STX1B: variants seen among roughly 807,000 people sequenced by gnomAD.
The protein encoded by STX1B is syntaxin 1B.
In STX1B, 7 loss-of-function variants were observed where a neutral mutation model predicts 39.4. The ratio of observed to expected loss-of-function variants is 0.18; its 90% confidence interval spans 0.10 to 0.33. The LOEUF is 0.33. Ranked by LOEUF, STX1B falls within the 10% of genes least tolerant of loss-of-function variation. STX1B has a pLI of 1.00. For synonymous variants in STX1B, 136 were observed against 144.1 expected (o/e 0.94, Z 0.40); for missense variants, 198 against 383.2 (o/e 0.52, Z 4.04).
rs776604327 is a variant in STX1B at position 31,001,158 on chromosome 16, C to G, written c.141G>C (p.Ser47=). 1 of 1,614,030 alleles carries G rather than the reference C, an allele frequency of 6.2e-7. No homozygotes were observed. Among genetic ancestry groups the G allele is most frequent in the Non-Finnish European group, 8.5e-7 (1 of 1,180,028 alleles). Residue 47 remains serine (S), a synonymous_variant, in exon 3 of 10, where the codon TCG becomes TCC. Transcript: ENST00000215095. This position sits in a 1 kb window ranked among gnomAD's most constrained non-coding sequence, Gnocchi z 5.5. ...GTTTTTTCACCTGCTCCACATCCTCCGACAGTTTCTCAATGCAGCCCCGGA... is the reference window on the plus strand; with the variant it reads ...GTTTTTTCACCTGCTCCACATCCTCGGACAGTTTCTCAATGCAGCCCCGGA... ...EEIRGCIEKL[S]EDVEQVKKQH...
At position 31,001,324 on chromosome 16, in the gene STX1B, G is replaced by T; in HGVS notation, c.106-131C>A. 1 of 943,828 alleles carries T rather than the reference G, an allele frequency of 1.1e-6. No individual in the cohort carries two copies. The highest frequency in any genetic ancestry group is 1.6e-6 in the Non-Finnish European group (1 of 609,500). 58.5% of individuals were successfully genotyped at this position (943,828 alleles called of 1,614,324 possible). A position where few individuals can be genotyped will look rare whatever the true frequency, so the allele number is the denominator to read the frequency against. On this transcript the variant is annotated intron_variant, in intron 2 of 9. Transcript: ENST00000215095. The surrounding 1 kb of genome is among the most constrained non-coding windows in gnomAD (Gnocchi z 5.5). ...ATAAAAGGCCAGGGAGGGTGCAGGA[G>T]CAGGGAAGTGGGGGACAGGGAAAAG...
chr16:31,001,672 T>C lies in STX1B; in HGVS notation c.31-69A>G. 1 of 1,209,708 alleles carries C rather than the reference T, an allele frequency of 8.3e-7. No homozygotes were observed. The highest frequency in any genetic ancestry group is 1.2e-6 in the Non-Finnish European group (1 of 834,548). 74.9% of individuals were successfully genotyped at this position (1,209,708 alleles called of 1,614,324 possible). A position where few individuals can be genotyped will look rare whatever the true frequency, so the allele number is the denominator to read the frequency against. ...GTCCCCAAGGCTGGCTCTCCAGCTC[T>C]CCCACCCTCTCCCTGCTATGCACAC... On this transcript the variant is annotated intron_variant, in intron 1 of 9. Transcript: ENST00000215095. This position sits in a 1 kb window ranked among gnomAD's most constrained non-coding sequence, Gnocchi z 5.5.
At chr16:30,996,112 T>C (rs1313587016) in intron 7 of STX1B, 1 of 151,506 alleles carries the variant, frequency 6.6e-6, no homozygotes, top group Non-Finnish European at 1.5e-5. Flanking sequence ...GAGGCGGAGG[T>C]TGCAGTGAGC....
Position 31,009,946 on chromosome 16 carries a change from C to T in STX1B, c.30+421G>A, listed in dbSNP as rs891952929. Among the ~76,000 whole-genome samples, 10 of 152,206 alleles carry T rather than the reference C, an allele frequency of 6.6e-5. No individual in the cohort carries two copies. The East Asian group carries it at 7.7e-4, about 12-fold the overall frequency. On this transcript the variant is annotated intron_variant, in intron 1 of 9. Transcript: ENST00000215095. The stretch of plus-strand genomic sequence containing the variant: ...CTCAGTCCCAACCTGTGTCCTTCCC[C>T]GTAGCATCCCCTGAATCTGGGTCCT...
At chr16:31,003,033 G>T (rs1422478090) in intron 1 of STX1B, among the ~76,000 whole-genome samples, 1 of 152,284 alleles carries the variant, frequency 6.6e-6, no homozygotes, top group South Asian at 2.1e-4. Flanking sequence ...GACAGGGCCA[G>T]ATGGGACCTA....
At position 30,992,618 on chromosome 16, in the gene STX1B, C is replaced by G; in HGVS notation, c.*203G>C. The G allele has an allele frequency of 1.9e-6, 1 of 531,088 alleles. No individual in the cohort carries two copies. The highest frequency in any genetic ancestry group is 3.3e-6 in the Non-Finnish European group (1 of 304,366). The allele number at this position is 531,088 out of a possible 1,614,324, so 32.9% of individuals were successfully genotyped here. On this transcript the variant is annotated 3_prime_UTR_variant, in exon 10 of 10. Transcript: ENST00000215095. The stretch of plus-strand genomic sequence containing the variant: ...TGTTGGTGTGCATGTGTAATCACGC[C>G]TGCTGCGATCTACGTGCGGGGACGG...
intron 7 of STX1B, among the ~76,000 whole-genome samples, chr16:30,994,892 C>CTTTTTTTTTTTTTTTTTTTTTTTT (rs10524041): frequency 1.0e-3 from 104 of 99,800 alleles, no homozygotes; most frequent in Middle Eastern, 8.8e-3. Flanking sequence ...GTCTCCCCGT[C>CTTTTTTTTTTTTTTTTTTTTTTTT]TTTTTTTTTT....
At chr16:30,993,000 G>A in intron 9 of STX1B, 99 bp from the exon 10 acceptor site, 2 of 1,329,504 alleles carry the variant, frequency 1.5e-6, no homozygotes, top group Non-Finnish European at 2.2e-6. Context: ...GGGAGAAGAG[G>A]GGAGAGAAAA....
At chr16:30,992,982 G>A in intron 9 of STX1B, 81 bp from the exon 10 acceptor site, 1 of 1,376,556 alleles carries the variant, frequency 7.3e-7, no homozygotes, top group Non-Finnish European at 1.0e-6. Flanking sequence ...ACAGGGCAGA[G>A]GGTGGCAGGG....
intron 1 of STX1B, 30 bp downstream of exon 1, chr16:31,010,336 GC>G (rs750960972): frequency 4.8e-5 from 15 of 314,494 alleles, no homozygotes; most frequent in Admixed American, 2.3e-4. Flanking sequence ...TTGGGGTCCC[GC>G]CCCCCCATTC....
Position 30,992,859 on chromosome 16 carries a change from C to A in STX1B, c.829G>T (p.Val277Phe). ...IIICCVVLGV[V>F]LASSIGGTLG... ...GTCCCCCCAATGGATGACGCCAAGA[C>A]CACCCCCAGCACCACACAGCAAATG... is the stretch of plus-strand genomic sequence containing the variant. The change falls in exon 10 of 10, where the codon GTC (valine) becomes TTC (phenylalanine). Residue 277 changes from valine to phenylalanine, a missense_variant. Val to Phe is a conservative substitution (Grantham distance 50). Transcript: ENST00000215095. 6.2e-7 allele frequency: 1 copy of A among 1,613,924 alleles called. No homozygotes were observed. The highest frequency in any genetic ancestry group is 8.5e-7 in the Non-Finnish European group (1 of 1,179,962).
Position 30,993,123 on chromosome 16 carries a change from C to G in STX1B, c.786+7G>C. 1.2e-6 allele frequency: 2 copies of G among 1,613,828 alleles called. No individual in the cohort carries two copies. The highest frequency in any genetic ancestry group is 1.1e-5 in the South Asian group (1 of 91,068). ...CCGCCTACCCCCAGGCCGCCTGCCC[C>G]GCTCACCCTCCGGGCCTTGCTCTGA... On this transcript the variant is annotated splice_region_variant and intron_variant, in intron 9 of 9. Coordinates refer to ENST00000215095, the MANE Select transcript of STX1B (RefSeq NM_052874.5).
At chr16:31,002,784 C>G (rs1456538300) in intron 1 of STX1B, among the ~76,000 whole-genome samples, 1 of 152,190 alleles carries the variant, frequency 6.6e-6, no homozygotes, top group South Asian at 2.1e-4. Flanking sequence ...ATTCTGATTT[C>G]CAAAAAGAAC....
chr16:30,999,952 A>G (rs2056615611), intron 4 of STX1B, among the ~76,000 whole-genome samples: 1 of 151,860 alleles, frequency 6.6e-6, no homozygotes, highest in Non-Finnish European at 1.5e-5. Context: ...GGAACTTTGT[A>G]GAAATTCCTT....
intron 6 of STX1B, 82 bp downstream of exon 6, chr16:30,996,869 C>A (rs2056595338): frequency 6.4e-7 from 1 of 1,567,124 alleles, no homozygotes. Flanking sequence ...AAGCCAGGGG[C>A]CCCCTCCAGA....
chr16:30,996,735 T>C lies in STX1B; in HGVS notation c.485A>G (p.Glu162Gly). ...GCTCTCCAGCATGTCTTCCAGTTCT[T>C]CGTTGGTGGTGGTCCTTCCAGCTGC... Reference protein sequence around the residue: ...LEITGRTTTNEELEDMLESGK... With the variant: ...LEITGRTTTNGELEDMLESGK... Residue 162 changes from glutamate (E) to glycine (G), a missense_variant, in exon 7 of 10, where the codon GAA (glutamate) becomes GGA (glycine). Physicochemically the swap from Glu to Gly is moderately conservative, Grantham distance 98. Transcript: ENST00000215095. 1.2e-6 allele frequency: 2 copies of C among 1,614,112 alleles called. No homozygotes were observed. The highest frequency in any genetic ancestry group is 4.5e-5 in the East Asian group (2 of 44,894).
Position 30,989,326 on chromosome 16 carries a change from C to T in STX1B, c.*3495G>A, listed in dbSNP as rs1304668386. 6.6e-6 allele frequency: 1 copy of T among 152,200 alleles called. No homozygotes were observed. Among genetic ancestry groups the T allele is most frequent in the Non-Finnish European group, 1.5e-5 (1 of 68,078 alleles). 9.4% of individuals were successfully genotyped at this position (152,200 alleles called of 1,614,324 possible). On this transcript the variant is annotated 3_prime_UTR_variant, in exon 10 of 10. Transcript: ENST00000215095. ...ACCTGGCCCAGGGTGGGGTGGGGGG[C>T]TCTGGGGACAGGACATGCAGGGAGG... is the stretch of plus-strand genomic sequence containing the variant.
rs569968629 is a variant in STX1B at position 31,005,863 on chromosome 16, C to T, written c.31-4260G>A. ...GGGACTGCGCACATCAGATCCAAGC[C>T]TCCAGCTGCAGCCTGACCTCCTCAG... On this transcript the variant is annotated intron_variant, in intron 1 of 9. Coordinates refer to ENST00000215095, the MANE Select transcript of STX1B (RefSeq NM_052874.5). 6.6e-5 allele frequency among the ~76,000 whole-genome samples: 10 copies of T among 152,292 alleles called. No individual in the cohort carries two copies. The East Asian group carries it at 1.9e-3, about 29-fold the overall frequency.
chr16:31,003,557 CG>C (rs1342229184), intron 1 of STX1B, among the ~76,000 whole-genome samples: 1 of 152,184 alleles, frequency 6.6e-6, no homozygotes, highest in East Asian at 1.9e-4. Flanking sequence ...CTCCCTGGCC[CG>C]GGTGCCTGAG....
Sources: allele counts gnomAD v4.1 joint callset (sites outside exome capture counted in the v4.1 genomes callset), GRCh38; gene constraint gnomAD v4.1.1; non-coding constraint Gnocchi (gnomAD v3.1); transcripts MANE v1.5; gene names NCBI Gene and HGNC (gene_info 2026-07-23, HGNC 2026-07-21).